The following ZNF175 variants were observed in gnomAD, a reference collection of about 807,000 sequenced individuals.
The protein encoded by ZNF175 is zinc finger protein 175, also known as zinc finger protein OTK18.
A neutral mutation model predicts 14.0 loss-of-function variants in ZNF175; 8 were observed. That is an observed-to-expected ratio of 0.57 (90% CI 0.34 to 1.03). ZNF175 has a LOEUF of 1.03. Among genes scored for constraint, ZNF175 ranks in the 50% least tolerant of loss-of-function variants. The probability of loss-of-function intolerance (pLI) is 0.03; values close to 1 mark genes in which losing one functional copy is unlikely to be tolerated. For synonymous variants in ZNF175, 255 were observed against 296.8 expected, an observed-to-expected ratio of 0.86 and a Z score of 1.45; for missense variants, 764 against 849.5, an observed-to-expected ratio of 0.90 and a Z score of 1.25.
At chr19:51,583,962 T>C (rs67770878) in intron 4 of ZNF175, among the ~76,000 whole-genome samples, 30,178 of 152,188 alleles carry the variant, frequency 0.2, 3,517 homozygotes, top group Middle Eastern at 0.33. Context: ...GATTTTTGTA[T>C]TTAGGATACA....
At position 51,588,420 on chromosome 19, in the gene ZNF175, A is replaced by G. The variant is rs201467175; in HGVS notation, c.2089A>G (p.Lys697Glu). Residue 697 changes from lysine to glutamate, a missense_variant, in exon 5 of 5, where the codon AAA becomes GAA. By Grantham distance (56) the Lys-to-Glu change is moderately conservative. Transcript: ENST00000262259. ...ACACCAAACAACTCATACCAGAGAC[A>G]AATCTTACAAATGCAGTTATTCTGT... is the stretch of plus-strand genomic sequence containing the variant. ...NKHQTTHTRD[K>E]SYKCSYSVKG... 8.8e-6 allele frequency: 14 copies of G among 1,592,698 alleles called. No homozygotes were observed. The East Asian group carries it at 3.1e-4, about 36-fold the overall frequency.
chr19:51,589,342 A>G lies in ZNF175; in HGVS notation c.*875A>G. 1.7e-6 allele frequency: 1 copy of G among 575,988 alleles called. No individual in the cohort carries two copies. Among genetic ancestry groups the G allele is most frequent in the Non-Finnish European group, 3.1e-6 (1 of 326,774 alleles). 35.7% of individuals were successfully genotyped at this position (575,988 alleles called of 1,614,324 possible). ...GAATTCACTGCATAGCAGGAGATGT[A>G]AGCAGATGAGTTATTTTTTAAGAGA... On this transcript the variant is annotated 3_prime_UTR_variant, in exon 5 of 5. Transcript: ENST00000262259.
At chr19:51,573,937 A>G (rs578154064) in intron 2 of ZNF175, 2 of 154,708 alleles carry the variant, frequency 1.3e-5, no homozygotes, top group South Asian at 2.1e-4. Context: ...TGAACAAAAA[A>G]TGCTGGAAAA....
intron 2 of ZNF175, among the ~76,000 whole-genome samples, chr19:51,577,800 A>G (rs28683714): frequency 0.41 from 61,728 of 150,968 alleles, 13,251 homozygotes; most frequent in Non-Finnish European, 0.46. Context: ...AGTAGCTGGG[A>G]CTAAAGGCGC....
intron 2 of ZNF175, 24 bp from the exon 3 acceptor site, chr19:51,581,367 G>A: frequency 6.2e-7 from 1 of 1,614,138 alleles, no homozygotes. Flanking sequence ...CTAATTCACA[G>A]TGAGCTGGGG....
rs1181467053 is a variant in ZNF175 at position 51,589,738 on chromosome 19, A to T, written c.*1271A>T. 1.7e-6 allele frequency: 1 copy of T among 599,426 alleles called. No homozygotes were observed. The highest frequency in any genetic ancestry group is 3.0e-6 in the Non-Finnish European group (1 of 338,486). The allele number at this position is 599,426 out of a possible 1,614,324, so 37.1% of individuals were successfully genotyped here. A position where few individuals can be genotyped will look rare whatever the true frequency, so the allele number is the denominator to read the frequency against. On this transcript the variant is annotated 3_prime_UTR_variant, in exon 5 of 5. Coordinates refer to ENST00000262259, the MANE Select transcript of ZNF175 (RefSeq NM_007147.4). The stretch of plus-strand genomic sequence containing the variant: ...TTGGAACACAGCCATGTTCATTTGG[A>T]CATGTATTGTCTGGGCTTCTTTTGT...
In ZNF175 at chr19:51,590,081, G is replaced by C. The variant is rs771859979; in HGVS notation, c.*1614G>C. The C allele has an allele frequency of 6.8e-4, 104 of 153,168 alleles. 3 individuals are homozygous for C. The highest frequency in any genetic ancestry group is 1.9e-4 in the Non-Finnish European group (13 of 68,856). 9.5% of individuals were successfully genotyped at this position (153,168 alleles called of 1,614,324 possible). A position where few individuals can be genotyped will look rare whatever the true frequency, so the allele number is the denominator to read the frequency against. ...TTTATTTAGCCATTCCCACAGTTTT[G>C]ATTACTTATTTCCTCCCCACACACA... On this transcript the variant is annotated 3_prime_UTR_variant, in exon 5 of 5. Coordinates refer to ENST00000262259, the MANE Select transcript of ZNF175 (RefSeq NM_007147.4).
At position 51,592,303 on chromosome 19, in the gene ZNF175, C is replaced by T. The variant is rs972350456; in HGVS notation, c.*3836C>T. 7.9e-6 allele frequency: 2 copies of T among 252,052 alleles called. No homozygotes were observed. The highest frequency in any genetic ancestry group is 1.0e-4 in the Admixed American group (2 of 19,808). 15.6% of individuals were successfully genotyped at this position (252,052 alleles called of 1,614,324 possible). A position where few individuals can be genotyped will look rare whatever the true frequency, so the allele number is the denominator to read the frequency against. ...AGTTTGGTGGCAAGCAACTTAACCT[C>T]TCTGCCTTAATTTCTCCAGCAGCAC... On this transcript the variant is annotated 3_prime_UTR_variant, in exon 5 of 5. Coordinates refer to ENST00000262259, the MANE Select transcript of ZNF175 (RefSeq NM_007147.4).
chr19:51,581,573 C>G lies in ZNF175; in HGVS notation c.199+56C>G, dbSNP rs747653706. The G allele has an allele frequency of 5.7e-6, 9 of 1,578,106 alleles. No individual in the cohort carries two copies. In the African/African-American group the frequency reaches 1.2e-4, roughly 21 times the overall value. On this transcript the variant is annotated intron_variant, in intron 3 of 4. Transcript: ENST00000262259. ...GGATCCTGTTGAGGAGATTTCCTTC[C>G]TCCTCATTGCAGAACGCAGTGGGAT...
chr19:51,581,828 A>C lies in ZNF175; in HGVS notation c.241A>C (p.Lys81Gln), dbSNP rs750265495. The change falls in exon 4 of 5, where the codon AAA becomes CAA. Residue 81 changes from lysine (K) to glutamine (Q), a missense_variant. Lys to Gln is a moderately conservative substitution (Grantham distance 53). Transcript: ENST00000262259. Reference sequence around the variant, plus strand: ...CCCAGAGGTCATCTTCAGAATGCTAAAAGAAAAGGAGCCGCGTGTGGAGGA... The same window carrying C: ...CCCAGAGGTCATCTTCAGAATGCTACAAGAAAAGGAGCCGCGTGTGGAGGA... ...PNPEVIFRML[K>Q]EKEPRVEEAE... The C allele has an allele frequency of 1.2e-6, 2 of 1,613,886 alleles. No individual in the cohort carries two copies. The highest frequency in any genetic ancestry group is 2.7e-5 in the African/African-American group (2 of 74,916).
chr19:51,582,192 A>G (rs1035985907), intron 4 of ZNF175, among the ~76,000 whole-genome samples: 2 of 152,356 alleles, frequency 1.3e-5, no homozygotes, highest in South Asian at 4.1e-4. Flanking sequence ...TGCAGTGCAC[A>G]AGGATTTGCA....
chr19:51,588,640 G>T lies in ZNF175; in HGVS notation c.*173G>T. On this transcript the variant is annotated 3_prime_UTR_variant, in exon 5 of 5. Transcript: ENST00000262259. ...GATAAAAAAGTCATGCTTTATTTTA[G>T]TGAGGGCAATTACAGAGAAAAGAGT... is the stretch of plus-strand genomic sequence containing the variant. 1.5e-6 allele frequency: 1 copy of T among 662,326 alleles called. No homozygotes were observed. The highest frequency in any genetic ancestry group is 2.3e-6 in the Non-Finnish European group (1 of 426,214). The allele number at this position is 662,326 out of a possible 1,614,324, so 41.0% of individuals were successfully genotyped here.
chr19:51,573,057 A>G (rs1190758608), intron 1 of ZNF175, 93 bp from the exon 2 acceptor site: 10 of 430,974 alleles, frequency 2.3e-5, no homozygotes, highest in South Asian at 2.2e-4. Flanking sequence ...GTCTACTCCA[A>G]TGTCTGACAC....
intron 3 of ZNF175, 71 bp downstream of exon 3, chr19:51,581,588 C>G (rs967469290): frequency 6.4e-7 from 1 of 1,561,888 alleles, no homozygotes. Flanking sequence ...CATTGCAGAA[C>G]GCAGTGGGAT....
chr19:51,572,969 A>G (rs1212708321), intron 1 of ZNF175, among the ~76,000 whole-genome samples, 181 bp from the exon 2 acceptor site: 2 of 152,226 alleles, frequency 1.3e-5, no homozygotes, highest in East Asian at 1.9e-4. Flanking sequence ...CAAAGCTGCA[A>G]TGAATTCACC....
intron 2 of ZNF175, among the ~76,000 whole-genome samples, chr19:51,579,272 A>G (rs1168984818): frequency 4.7e-5 from 7 of 149,122 alleles, no homozygotes; most frequent in Non-Finnish European, 1.0e-4. Flanking sequence ...AAAAAAAAAA[A>G]AAGCTGGACA....
At chr19:51,585,605 C>T (rs1226999905) in intron 4 of ZNF175, among the ~76,000 whole-genome samples, 1 of 151,986 alleles carries the variant, frequency 6.6e-6, no homozygotes, top group Non-Finnish European at 1.5e-5. Context: ...CGAAAAGAAA[C>T]TACATGTGAT....
intron 4 of ZNF175, among the ~76,000 whole-genome samples, chr19:51,586,136 T>C (rs192321502): frequency 1.3e-5 from 2 of 152,210 alleles, no homozygotes; most frequent in Non-Finnish European, 2.9e-5. Flanking sequence ...TGAAAGTTAA[T>C]GAAGACCTAC....
At chr19:51,573,446 C>G in intron 2 of ZNF175, 45 bp downstream of exon 2, 4 of 1,596,248 alleles carry the variant, frequency 2.5e-6, no homozygotes, top group Non-Finnish European at 3.4e-6. Flanking sequence ...AACGTGAGGG[C>G]AGACACAGGA....
Sources: gnomAD v4.1 joint callset for allele counts (sites outside exome capture counted in the v4.1 genomes callset) on GRCh38, gnomAD v4.1.1 for gene constraint, MANE v1.5 for transcripts, NCBI Gene and HGNC (gene_info 2026-07-23, HGNC 2026-07-21) for gene names.